Variants in EARS2 observed in about 807,000 individuals in gnomAD.
EARS2 encodes nondiscriminating glutamyl-tRNA synthetase EARS2, mitochondrial.
Under a neutral mutation model 54.1 loss-of-function variants are expected in EARS2, and 50 were observed. The ratio of observed to expected loss-of-function variants is 0.92; its 90% confidence interval spans 0.74 to 1.17. The LOEUF (loss-of-function observed/expected upper bound fraction) is 1.17, where lower values mean the gene tolerates loss of function less well. Among genes scored for constraint, EARS2 ranks in the 50% most tolerant of loss-of-function variants. EARS2 has a pLI of 0.00. For synonymous variants in EARS2, 298 were observed against 281.0 expected, an observed-to-expected ratio of 1.06 and a Z score of -0.61; for missense variants, 673 against 675.0, an observed-to-expected ratio of 1.00 and a Z score of 0.03.
intron 2 of EARS2, among the ~76,000 whole-genome samples, chr16:23,549,948 G>A (rs1020485639): frequency 2.6e-5 from 4 of 152,148 alleles, no homozygotes; most frequent in Non-Finnish European, 5.9e-5. Flanking sequence ...GCAGGTCTCT[G>A]CTCCAGCATC....
At chr16:23,555,427 G>T (rs1965760181) in intron 1 of EARS2, among the ~76,000 whole-genome samples, 1 of 152,202 alleles carries the variant, frequency 6.6e-6, no homozygotes, top group Non-Finnish European at 1.5e-5. Flanking sequence ...GGCTGAGGTT[G>T]CAGTGAGCCG....
chr16:23,547,523 G>A (rs758103080), intron 2 of EARS2, among the ~76,000 whole-genome samples: 10 of 150,964 alleles, frequency 6.6e-5, no homozygotes, highest in African/African-American at 1.2e-4. Context: ...TTTTTTCCCC[G>A]AAGACAGAGT....
In EARS2 at chr16:23,535,096, C is replaced by A. The variant is rs772144229; in HGVS notation, c.750G>T (p.Trp250Cys). 3.7e-6 allele frequency: 6 copies of A among 1,608,310 alleles called. No homozygotes were observed. The highest frequency in any genetic ancestry group is 2.7e-5 in the African/African-American group (2 of 74,820). Residue 250 changes from tryptophan (W) to cysteine (C), a missense_variant, in exon 4 of 9, where the codon TGG becomes TGT. This residue lies in a region of EARS2 where 338 missense variants were observed against 361.2 expected (regional missense o/e 0.94). Coordinates refer to ENST00000449606, the MANE Select transcript of EARS2 (RefSeq NM_001083614.2). Reference sequence around the variant, plus strand: ...GCAGGTGCTTGGCAGTGGAGACGAGCCACTCAGAGCCTCGCAGCACGTGGC... The same window carrying A: ...GCAGGTGCTTGGCAGTGGAGACGAGACACTCAGAGCCTCGCAGCACGTGGC... ...GISHVLRGSE[W>C]LVSTAKHLLL...
At chr16:23,533,601 GA>G (rs1965362552) in intron 4 of EARS2, among the ~76,000 whole-genome samples, 1 of 152,212 alleles carries the variant, frequency 6.6e-6, no homozygotes, top group South Asian at 2.1e-4. Flanking sequence ...AAAAAGGTCT[GA>G]AAACAATCAG....
chr16:23,529,585 G>GT lies in EARS2; in HGVS notation c.1268dup (p.Tyr423Ter). ...GACCTACTGCAGGGCGAGTCCACAG[G>GT]TAAGAGTATACTGGGGACACCAAGT... ...LQDLVSPVYSYLWTRPAVGRA... is the reference protein window; with the variant it reads ...LQDLVSPVYS Residue 423 changes from tyrosine (Y) to a stop codon, truncating the protein, a stop_gained and frameshift_variant, in exon 7 of 9, where the codon TAC becomes TAAC. Transcript: ENST00000449606. LOFTEE classifies it high-confidence loss of function. 6.2e-7 allele frequency: 1 copy of GT among 1,614,174 alleles called. No individual in the cohort carries two copies. Among genetic ancestry groups the GT allele is most frequent in the Non-Finnish European group, 8.5e-7 (1 of 1,180,032 alleles).
chr16:23,534,414 T>C (rs1965378299), intron 4 of EARS2, among the ~76,000 whole-genome samples: 1 of 152,240 alleles, frequency 6.6e-6, no homozygotes, highest in Admixed American at 6.5e-5. Flanking sequence ...TGAAATAAAC[T>C]AGATTCATCT....
intron 7 of EARS2, 121 bp from the exon 8 acceptor site, chr16:23,525,500 GT>G: frequency 8.6e-7 from 1 of 1,167,904 alleles, no homozygotes; most frequent in Non-Finnish European, 1.2e-6. Flanking sequence ...GTTCAAGCCT[GT>G]TTTGAGGGAG....
intron 7 of EARS2, among the ~76,000 whole-genome samples, chr16:23,527,843 G>A (rs1399092609): frequency 3.9e-5 from 6 of 152,152 alleles, no homozygotes; most frequent in African/African-American, 7.2e-5. Flanking sequence ...GTGAGTCACC[G>A]CGCCCAGCAA....
rs766169120 is a variant in EARS2 at position 23,557,093 on chromosome 16, C to T, written c.139+112G>A. The T allele has an allele frequency of 7.7e-6, 11 of 1,434,306 alleles. No individual in the cohort carries two copies. The African/African-American group carries it at 1.4e-4, about 19-fold the overall frequency. The allele number at this position is 1,434,306 out of a possible 1,614,324, so 88.8% of individuals were successfully genotyped here. On this transcript the variant is annotated intron_variant, in intron 1 of 8. Transcript: ENST00000449606. The stretch of plus-strand genomic sequence containing the variant: ...AAAATGGGCTCGCGCTGCCTTAACC[C>T]TCCTCCGCCCGCCCACTCTGACACC...
At chr16:23,533,528 C>T (rs1965361032) in intron 4 of EARS2, among the ~76,000 whole-genome samples, 1 of 152,086 alleles carries the variant, frequency 6.6e-6, no homozygotes, top group Non-Finnish European at 1.5e-5. Context: ...TAACTTCTAG[C>T]TATTTATATA....
chr16:23,541,797 G>C (rs1965517074), intron 3 of EARS2, among the ~76,000 whole-genome samples: 1 of 149,496 alleles, frequency 6.7e-6, no homozygotes, highest in Non-Finnish European at 1.5e-5. Flanking sequence ...GGGTTCATGC[G>C]ATTCTAGTGC....
At position 23,535,351 on chromosome 16, in the gene EARS2, A is replaced by G. The variant is rs755218272; in HGVS notation, c.495T>C (p.Asn165=). 5.0e-6 allele frequency: 8 copies of G among 1,598,686 alleles called. No homozygotes were observed. In the Admixed American group the frequency reaches 1.3e-4, roughly 27 times the overall value. Residue 165 remains asparagine, a synonymous_variant, in exon 4 of 9, where the codon AAT becomes AAC. Transcript: ENST00000449606. ...LRNHQTPRYD[N]RCRNMSQEQV... Reference sequence around the variant, plus strand: ...GCTCCTGGCTCATGTTCCTGCACCGATTGTCATACCTGATGGGGAGCAGAG... The same window carrying G: ...GCTCCTGGCTCATGTTCCTGCACCGGTTGTCATACCTGATGGGGAGCAGAG...
In EARS2 at chr16:23,537,002, G is replaced by T. The variant is rs78014474; in HGVS notation, c.486-1642C>A. 7.0e-3 allele frequency: 1,135 copies of T among 162,414 alleles called. 17 individuals are homozygous for T. The highest frequency in any genetic ancestry group is 0.026 in the African/African-American group (1,081 of 41,640). 10.1% of individuals were successfully genotyped at this position (162,414 alleles called of 1,614,324 possible). A position where few individuals can be genotyped will look rare whatever the true frequency, so the allele number is the denominator to read the frequency against. ...GGCCAAAAAAGAAATTTTTACAAAT[G>T]AGTCAGTTGCACATGAGTGAACAGG... On this transcript the variant is annotated intron_variant, in intron 3 of 8. Transcript: ENST00000449606.
chr16:23,549,095 A>G (rs1965652790), intron 2 of EARS2, among the ~76,000 whole-genome samples: 2 of 152,146 alleles, frequency 1.3e-5, no homozygotes, highest in African/African-American at 4.8e-5. Context: ...GGAATAAAAG[A>G]GCTGTAACAC....
In EARS2 at chr16:23,522,089, G is replaced by A; in HGVS notation, c.*2282C>T. The A allele has an allele frequency of 3.3e-6, 1 of 305,098 alleles. No individual in the cohort carries two copies. The highest frequency in any genetic ancestry group is 6.6e-6 in the Non-Finnish European group (1 of 151,886). The allele number at this position is 305,098 out of a possible 1,614,324, so 18.9% of individuals were successfully genotyped here. On this transcript the variant is annotated 3_prime_UTR_variant, in exon 9 of 9. Coordinates refer to ENST00000449606, the MANE Select transcript of EARS2 (RefSeq NM_001083614.2). ...AGCATTATCTGACACCTGGGAGAGG[G>A]TGAGGCTCATATAAGCGCACAATAA...
chr16:23,554,044 C>T (rs1965737820), intron 1 of EARS2, among the ~76,000 whole-genome samples: 1 of 152,190 alleles, frequency 6.6e-6, no homozygotes, highest in Admixed American at 6.5e-5. Flanking sequence ...TGGGGTCTCA[C>T]TCTTGCCCAG....
intron 7 of EARS2, 138 bp from the exon 8 acceptor site, chr16:23,525,517 G>T: frequency 3.0e-6 from 3 of 1,003,370 alleles, no homozygotes; most frequent in Non-Finnish European, 4.3e-6. Flanking sequence ...GGGAGGTGAG[G>T]AAGATATTGA....
chr16:23,525,432 T>TG, intron 7 of EARS2, 53 bp from the exon 8 acceptor site: 1 of 1,568,864 alleles, frequency 6.4e-7, no homozygotes, highest in South Asian at 1.2e-5. Context: ...GGCAAGTGGG[T>TG]GGGAGGAAGG....
intron 7 of EARS2, among the ~76,000 whole-genome samples, chr16:23,525,989 C>A (rs1965220242): frequency 2.2e-5 from 2 of 91,258 alleles, no homozygotes; most frequent in Admixed American, 1.2e-4. Context: ...CAGAGCGAGA[C>A]TTTGTTTCAA....
Sources: gnomAD v4.1 joint callset for allele counts (sites outside exome capture counted in the v4.1 genomes callset) on GRCh38, gnomAD v4.1.1 for gene constraint, gnomAD v4.1.1 regional missense constraint, MANE v1.5 for transcripts, NCBI Gene and HGNC (gene_info 2026-07-23, HGNC 2026-07-21) for gene names.